The following IFNAR1 variants were observed in gnomAD, a reference collection of about 807,000 sequenced individuals.
IFNAR1 encodes the protein interferon alpha and beta receptor subunit 1.
IFNAR1 carries 47 observed loss-of-function variants against 62.1 expected under a neutral mutation model. The ratio of observed to expected loss-of-function variants is 0.76; its 90% CI spans 0.60 to 0.97. IFNAR1 has a LOEUF of 0.97. Ranked by LOEUF, IFNAR1 falls within the 50% of genes least tolerant of loss-of-function variation. The pLI, the probability that IFNAR1 is intolerant of heterozygous loss-of-function variation, is 0.00. For missense variants in IFNAR1, 638 were observed against 654.5 expected (o/e 0.97, Z 0.27); for synonymous variants, 219 against 226.9 (o/e 0.97, Z 0.31).
At chr21:33,324,864 T>TGGAGGAACGGCGCGTGCGC, upstream of IFNAR1, 3 of 535,628 alleles carry the variant, frequency 5.6e-6, no homozygotes, top group East Asian at 3.3e-5. Context: ...GGCGCGTGCG[T>TGGAGGAACGGCGCGTGCGC]GGAGGAACGG....
At chr21:33,352,672 A>T in intron 8 of IFNAR1, 86 bp from the exon 9 acceptor site, 1 of 716,154 alleles carries the variant, frequency 1.4e-6, no homozygotes, top group Non-Finnish European at 2.3e-6. Flanking sequence ...CCAATGTTAG[A>T]CTGAACATAA....
Position 33,359,092 on chromosome 21 carries a change from T to C in IFNAR1, c.*3543T>C, listed in dbSNP as rs1418837781. On this transcript the variant is annotated 3_prime_UTR_variant, in exon 11 of 11. Coordinates refer to ENST00000270139, the MANE Select transcript of IFNAR1 (RefSeq NM_000629.3). Reference sequence around the variant, plus strand: ...TTATTCATTACTGCATCCCCAGTAATGAAAGTACTTAGAAAATAATTATTG... The same window carrying C: ...TTATTCATTACTGCATCCCCAGTAACGAAAGTACTTAGAAAATAATTATTG... The C allele has an allele frequency of 6.6e-6, 1 of 152,138 alleles. No individual in the cohort carries two copies. Among genetic ancestry groups the C allele is most frequent in the African/African-American group, 2.4e-5 (1 of 41,432 alleles). 9.4% of individuals were successfully genotyped at this position (152,138 alleles called of 1,614,324 possible).
At chr21:33,337,670 CTA>C (rs576303409) in intron 2 of IFNAR1, among the ~76,000 whole-genome samples, 1,093 of 48,710 alleles carry the variant, frequency 0.022, 13 homozygotes, top group African/African-American at 0.092. Context: ...ATACATTACA[CTA>C]TATATAATAC....
chr21:33,328,398 T>C (rs140326149), intron 1 of IFNAR1, among the ~76,000 whole-genome samples: 2 of 152,308 alleles, frequency 1.3e-5, no homozygotes, highest in Non-Finnish European at 2.9e-5. Context: ...CTTCGCATCA[T>C]GGCCTGAAGT....
chr21:33,350,619 T>C (rs1425768128), intron 8 of IFNAR1, among the ~76,000 whole-genome samples: 1 of 152,206 alleles, frequency 6.6e-6, no homozygotes, highest in African/African-American at 2.4e-5. Context: ...CCCAGATCAC[T>C]TCCCCCTCGT....
intron 2 of IFNAR1, 102 bp from the exon 3 acceptor site, chr21:33,340,894 GTTA>G: frequency 1.4e-6 from 1 of 706,482 alleles, no homozygotes; most frequent in Non-Finnish European, 2.4e-6. Flanking sequence ...TTAAACAAGA[GTTA>G]TTAAGAGTTA....
rs367606657 is a variant in IFNAR1 at position 33,343,521 on chromosome 21, T to C, written c.532-14T>C. The stretch of plus-strand genomic sequence containing the variant: ...TATACTTTTTTAAAGAACCAACTTA[T>C]ATTTGTGTTATAGGAAAGGATTGAA... On this transcript the variant is annotated splice_polypyrimidine_tract_variant and intron_variant, in intron 4 of 10. Transcript: ENST00000270139. 11 of 1,528,614 alleles carry C rather than the reference T, an allele frequency of 7.2e-6. No homozygotes were observed. The East Asian group carries it at 1.4e-4, about 19-fold the overall frequency. 94.7% of individuals were successfully genotyped at this position (1,528,614 alleles called of 1,614,324 possible). A position where few individuals can be genotyped will look rare whatever the true frequency, so the allele number is the denominator to read the frequency against.
intron 2 of IFNAR1, among the ~76,000 whole-genome samples, chr21:33,340,097 T>C (rs1000857435): frequency 6.6e-6 from 1 of 152,072 alleles, no homozygotes; most frequent in African/African-American, 2.4e-5. Context: ...GAATCTAATA[T>C]CACTTCAGCT....
chr21:33,324,892 G>GGTGGGTGTGTGTGTGTGTGT, upstream of IFNAR1: 1 of 571,056 alleles, frequency 1.8e-6, no homozygotes, highest in Admixed American at 2.9e-5. Context: ...GCGGAGGGGC[G>GGTGGGTGTGTGTGTGTGTGT]GTGTGTGTGT....
In IFNAR1 at chr21:33,325,080, A is replaced by G; in HGVS notation, c.25A>G (p.Thr9Ala). 1 of 1,609,920 alleles carries G rather than the reference A, an allele frequency of 6.2e-7. No individual in the cohort carries two copies. Among genetic ancestry groups the G allele is most frequent in the Non-Finnish European group, 8.5e-7 (1 of 1,178,904 alleles). Reference sequence around the variant, plus strand: ...GATGATGGTCGTCCTCCTGGGCGCGACGACCCTAGTGCTCGTCGCCGTGGC... The same window carrying G: ...GATGATGGTCGTCCTCCTGGGCGCGGCGACCCTAGTGCTCGTCGCCGTGGC... MMVVLLGATTLVLVAVAPW... is the reference protein window; with the variant it reads MMVVLLGAATLVLVAVAPW... The change falls in exon 1 of 11, where the codon ACG becomes GCG. Residue 9 changes from threonine to alanine, a missense_variant. By Grantham distance (58) the Thr-to-Ala change is moderately conservative. Coordinates refer to ENST00000270139, the MANE Select transcript of IFNAR1 (RefSeq NM_000629.3).
chr21:33,329,525 A>G (rs1021066026), intron 1 of IFNAR1, among the ~76,000 whole-genome samples: 1 of 152,164 alleles, frequency 6.6e-6, no homozygotes, highest in African/African-American at 2.4e-5. Context: ...ATACTATAAG[A>G]TCTAACTGGA....
chr21:33,341,609 A>G (rs2083292916), intron 3 of IFNAR1, among the ~76,000 whole-genome samples: 1 of 152,232 alleles, frequency 6.6e-6, no homozygotes, highest in Non-Finnish European at 1.5e-5. Context: ...AATGTAAAAC[A>G]GCACCACTCT....
chr21:33,335,196 C>G, intron 1 of IFNAR1: 1 of 514,486 alleles, frequency 1.9e-6, no homozygotes, highest in Non-Finnish European at 3.6e-6. Flanking sequence ...AACAGTTGAA[C>G]CTCATCATAA....
intron 1 of IFNAR1, among the ~76,000 whole-genome samples, chr21:33,333,614 A>ATTTTTTTTTTTTTT (rs59240203): frequency 4.1e-4 from 44 of 106,986 alleles, no homozygotes; most frequent in African/African-American, 8.2e-4. Flanking sequence ...CTGGCGGAAT[A>ATTTTTTTTTTTTTT]TTTTTTTTTT....
Position 33,345,308 on chromosome 21 carries a change from C to T in IFNAR1, c.736C>T (p.Leu246Phe), listed in dbSNP as rs971328393. ...CAGTGTCCAAAATCAGAACTATGTT[C>T]TTAAATGGGATTATACATATGCAAA... The part of the protein sequence containing the change: ...EVSVQNQNYV[L>F]KWDYTYANMT... The change falls in exon 6 of 11, where the codon CTT (leucine) becomes TTT (phenylalanine). Residue 246 changes from leucine to phenylalanine, a missense_variant. Leu to Phe is a conservative substitution (Grantham distance 22). Transcript: ENST00000270139. The T allele has an allele frequency of 2.5e-6, 4 of 1,607,766 alleles. No homozygotes were observed. In the African/African-American group the frequency reaches 5.3e-5, roughly 21 times the overall value.
chr21:33,332,182 G>C (rs1365480374), intron 1 of IFNAR1, among the ~76,000 whole-genome samples: 6 of 152,152 alleles, frequency 3.9e-5, no homozygotes, highest in Admixed American at 3.9e-4. Flanking sequence ...ACAAGAATAG[G>C]AGGATCCTAA....
At chr21:33,335,310 A>C (rs1170078391) in intron 1 of IFNAR1, among the ~76,000 whole-genome samples, 1 of 152,208 alleles carries the variant, frequency 6.6e-6, no homozygotes. Context: ...AAGAGGAAAA[A>C]AAATCAACTC....
At chr21:33,325,274 C>T (rs901763703) in intron 1 of IFNAR1, 143 bp downstream of exon 1, 2 of 714,648 alleles carry the variant, frequency 2.8e-6, no homozygotes, top group East Asian at 2.7e-5. Flanking sequence ...AGATTAAACC[C>T]GACCTGGGCT....
Position 33,352,892 on chromosome 21 carries a change from TGA to T in IFNAR1, c.1281_1282del (p.Lys428AsnfsTer8), listed in dbSNP as rs1412743678. The T allele has an allele frequency of 6.3e-7, 1 of 1,580,194 alleles. No individual in the cohort carries two copies. Among genetic ancestry groups the T allele is most frequent in the African/African-American group, 1.4e-5 (1 of 74,040 alleles). On this transcript the variant is annotated frameshift_variant, in exon 9 of 11. Transcript: ENST00000270139. LOFTEE classifies it high-confidence loss of function. The part of the protein sequence containing the change: ...KSSVFSDAVC[E>X]KTKPGNTSKI... ...GCAGTGTTTTTAGTGACGCTGTATGTGAGAAAACAAAACCAGGTCAGAATCTT... is the reference window on the plus strand; with the variant it reads ...GCAGTGTTTTTAGTGACGCTGTATGTGAAAACAAAACCAGGTCAGAATCTT...
Sources: gnomAD v4.1 joint callset for allele counts (sites outside exome capture counted in the v4.1 genomes callset) on GRCh38, gnomAD v4.1.1 for gene constraint, MANE v1.5 for transcripts, NCBI Gene and HGNC (gene_info 2026-07-23, HGNC 2026-07-21) for gene names.